Variants in PCDHGB4 observed in about 807,000 individuals in gnomAD.
The protein encoded by PCDHGB4 is protocadherin gamma-B4.
A neutral mutation model predicts 60.5 loss-of-function variants in PCDHGB4; 38 were observed. The observed-to-expected ratio is 0.63, with a 90% confidence interval of 0.48 to 0.82. The LOEUF (loss-of-function observed/expected upper bound fraction) is 0.82, where lower values mean the gene tolerates loss of function less well. Ranked by LOEUF, PCDHGB4 falls within the 40% of genes least tolerant of loss-of-function variation. The pLI is 0.00. For missense variants in PCDHGB4, 1,109 were observed against 1,209.6 expected (o/e 0.92, Z 1.23); for synonymous variants, 456 against 509.7 (o/e 0.89, Z 1.42).
At chr5:141,484,120 C>A (rs1158603108) in intron 1 of PCDHGB4, among the ~76,000 whole-genome samples, 1 of 152,146 alleles carries the variant, frequency 6.6e-6, no homozygotes, top group African/African-American at 2.4e-5. Flanking sequence ...ATCAAGAATA[C>A]CTTGGTGTCA....
rs1173306822 is a variant in PCDHGB4, at chr5:141,431,115, T to G, written c.2397+40834T>G. The G allele has an allele frequency of 6.2e-7, 1 of 1,613,608 alleles. No homozygotes were observed. Among genetic ancestry groups the G allele is most frequent in the East Asian group, 2.2e-5 (1 of 44,840 alleles). ...GAGGATAAAGTGAAAATATATGGAG[T>G]AGAAGTAGAAGTAAGGGACATTAAC... On this transcript the variant is annotated intron_variant, in intron 1 of 3. Transcript: ENST00000519479. This position sits in a 1 kb window ranked among gnomAD's most constrained non-coding sequence, Gnocchi z 4.8.
At chr5:141,453,145 G>A (rs1329081754) in intron 1 of PCDHGB4, among the ~76,000 whole-genome samples, 3 of 151,752 alleles carry the variant, frequency 2.0e-5, no homozygotes, top group Admixed American at 6.6e-5. Context: ...ATAGGGTCTC[G>A]CTATGTCACC....
intron 1 of PCDHGB4, among the ~76,000 whole-genome samples, chr5:141,475,750 T>C (rs1158317865): frequency 6.6e-6 from 1 of 152,270 alleles, no homozygotes; most frequent in African/African-American, 2.4e-5. Context: ...AGGTTTCCTA[T>C]GCACCGATAC....
chr5:141,425,371 G>T (rs1396857898), intron 1 of PCDHGB4, among the ~76,000 whole-genome samples: 3 of 152,186 alleles, frequency 2.0e-5, no homozygotes, highest in African/African-American at 7.2e-5. Context: ...AGAGGGTTAT[G>T]TTGATTCGGA....
At chr5:141,400,234 G>A (rs749957043) in intron 1 of PCDHGB4, 11 of 1,613,984 alleles carry the variant, frequency 6.8e-6, no homozygotes, top group East Asian at 6.7e-5. Flanking sequence ...CCTCCTGGCC[G>A]TGATTCTGGC....
At chr5:141,452,635 T>C (rs1426970634) in intron 1 of PCDHGB4, among the ~76,000 whole-genome samples, 1 of 152,086 alleles carries the variant, frequency 6.6e-6, no homozygotes, top group Non-Finnish European at 1.5e-5. Context: ...GCTATGAATA[T>C]ATTTACTCAT....
intron 1 of PCDHGB4, among the ~76,000 whole-genome samples, chr5:141,488,713 C>A (rs1165389103): frequency 6.6e-6 from 1 of 152,184 alleles, no homozygotes; most frequent in Non-Finnish European, 1.5e-5. Context: ...CTGGTTCAAG[C>A]AAAGTGGTGG....
At position 141,477,368 on chromosome 5, in the gene PCDHGB4, G is replaced by A; in HGVS notation, c.2398-17439G>A. Reference sequence around the variant, plus strand: ...GAAAACCAGTGCAGACCTGGATCGGGAGACTGTGCCAGAATACAACCTCAG... The same window carrying A: ...GAAAACCAGTGCAGACCTGGATCGGAAGACTGTGCCAGAATACAACCTCAG... On this transcript the variant is annotated intron_variant, in intron 1 of 3. Coordinates refer to ENST00000519479, the MANE Select transcript of PCDHGB4 (RefSeq NM_003736.4). The surrounding 1 kb of genome is among the most constrained non-coding windows in gnomAD (Gnocchi z 4.9). 6.2e-7 allele frequency: 1 copy of A among 1,614,132 alleles called. No individual in the cohort carries two copies. Among genetic ancestry groups the A allele is most frequent in the Non-Finnish European group, 8.5e-7 (1 of 1,180,024 alleles).
intron 1 of PCDHGB4, chr5:141,413,734 C>A: frequency 6.2e-7 from 1 of 1,613,422 alleles, no homozygotes; most frequent in Non-Finnish European, 8.5e-7. Context: ...CCTAAGAGTT[C>A]AGAGCCGTGC....
chr5:141,439,697 A>T (rs2098127217), intron 1 of PCDHGB4, among the ~76,000 whole-genome samples: 1 of 152,218 alleles, frequency 6.6e-6, no homozygotes, highest in Non-Finnish European at 1.5e-5. Flanking sequence ...CAACATTCCT[A>T]TTATGGCTCC....
chr5:141,418,785 T>C, intron 1 of PCDHGB4: 1 of 1,613,862 alleles, frequency 6.2e-7, no homozygotes, highest in African/African-American at 1.3e-5. Flanking sequence ...CCTTTGGATT[T>C]TGAAGAAGTA....
chr5:141,423,970 A>C, intron 1 of PCDHGB4: 1 of 1,143,228 alleles, frequency 8.7e-7, no homozygotes, highest in Non-Finnish European at 1.1e-6. Flanking sequence ...TTCTATTATC[A>C]GTGTATGAGG....
chr5:141,505,270 G>C, intron 2 of PCDHGB4, 123 bp from the exon 3 acceptor site: 1 of 1,520,726 alleles, frequency 6.6e-7, no homozygotes, highest in African/African-American at 1.4e-5. Context: ...CTTGCTGAGA[G>C]AAACAGGTCT....
chr5:141,409,304 C>T, intron 1 of PCDHGB4: 2 of 1,613,954 alleles, frequency 1.2e-6, no homozygotes, highest in Non-Finnish European at 1.7e-6. Flanking sequence ...GGTTGTTGCC[C>T]TCTTCAAAAC....
At chr5:141,418,811 A>C in intron 1 of PCDHGB4, 1 of 1,613,916 alleles carries the variant, frequency 6.2e-7, no homozygotes. Context: ...ATATACGATA[A>C]ACATAGAAGC....
Position 141,489,552 on chromosome 5 carries a change from G to T in PCDHGB4, c.2398-5255G>T, listed in dbSNP as rs2099688780. ...GTGGAGCCAGCACCAGCTGCCTGCTGCCAGTGCAGGTGGTGACTGAACACC... is the reference window on the plus strand; with the variant it reads ...GTGGAGCCAGCACCAGCTGCCTGCTTCCAGTGCAGGTGGTGACTGAACACC... On this transcript the variant is annotated intron_variant, in intron 1 of 3. Coordinates refer to ENST00000519479, the MANE Select transcript of PCDHGB4 (RefSeq NM_003736.4). The surrounding 1 kb of genome is among the most constrained non-coding windows in gnomAD (Gnocchi z 4.5). The T allele has an allele frequency of 6.2e-7, 1 of 1,613,988 alleles. No homozygotes were observed. The highest frequency in any genetic ancestry group is 1.7e-5 in the Admixed American group (1 of 60,000).
chr5:141,450,826 A>ATTTTT (rs764729742), intron 1 of PCDHGB4, among the ~76,000 whole-genome samples: 2 of 134,302 alleles, frequency 1.5e-5, no homozygotes, highest in African/African-American at 2.9e-5. Flanking sequence ...TATTATTATT[A>ATTTTT]TTATTTTTTT....
chr5:141,414,517 G>C, intron 1 of PCDHGB4: 1 of 1,613,964 alleles, frequency 6.2e-7, no homozygotes, highest in South Asian at 1.1e-5. Context: ...ACAAGTGGCA[G>C]ATATCAATGA....
chr5:141,450,948 C>T (rs1250110393), intron 1 of PCDHGB4, among the ~76,000 whole-genome samples: 2 of 151,870 alleles, frequency 1.3e-5, no homozygotes, highest in East Asian at 3.9e-4. Flanking sequence ...CCTCAGCCTC[C>T]CAAGTAGCTG....
Sources: allele counts gnomAD v4.1 joint callset (sites outside exome capture counted in the v4.1 genomes callset), GRCh38; gene constraint gnomAD v4.1.1; non-coding constraint Gnocchi (gnomAD v3.1); transcripts MANE v1.5; gene names NCBI Gene and HGNC (gene_info 2026-07-23, HGNC 2026-07-21).